LBR: variants seen among roughly 807,000 people sequenced by gnomAD.
LBR encodes the protein delta(14)-sterol reductase LBR.
In LBR, 28 loss-of-function variants were observed where a neutral mutation model predicts 74.3. The observed-to-expected ratio is 0.38, with a 90% CI of 0.28 to 0.52. The LOEUF is 0.52. LBR is among the 20% of genes least tolerant of loss of function. LBR has a pLI of 0.89. For missense variants in LBR, 717 were observed against 760.3 expected (o/e 0.94, Z 0.67); for synonymous variants, 228 against 269.3 (o/e 0.85, Z 1.50).
intron 5 of LBR, among the ~76,000 whole-genome samples, chr1:225,418,861 T>C (rs1477028506): frequency 6.6e-6 from 1 of 152,224 alleles, no homozygotes; most frequent in Non-Finnish European, 1.5e-5. Flanking sequence ...TCCCATTTTA[T>C]GCAGGCAGCT....
At chr1:225,416,991 T>A (rs531595969) in intron 6 of LBR, among the ~76,000 whole-genome samples, 7 of 152,220 alleles carry the variant, frequency 4.6e-5, no homozygotes, top group African/African-American at 1.7e-4. Context: ...TGCATAATAT[T>A]AATATATATT....
In LBR at chr1:225,406,689, C is replaced by T; in HGVS notation, c.1458G>A (p.Met486Ile). ...VSHPNEVSWP[M>I]ASLIIVLKLC... ...GTTTCAGAACAATAATTAGAGAAGC[C>T]ATTGGCCAAGACACTTCATTTGGAT... Residue 486 changes from methionine to isoleucine, a missense_variant, in exon 11 of 14, where the codon ATG becomes ATA. Physicochemically the swap from Met to Ile is conservative, Grantham distance 10. Coordinates refer to ENST00000272163, the MANE Select transcript of LBR (RefSeq NM_002296.4). The T allele has an allele frequency of 6.2e-7, 1 of 1,612,132 alleles. No individual in the cohort carries two copies. The highest frequency in any genetic ancestry group is 8.5e-7 in the Non-Finnish European group (1 of 1,179,528).
At position 225,403,326 on chromosome 1, in the gene LBR, G is replaced by T. The variant is rs776693237; in HGVS notation, c.1825C>A (p.Arg609Ser). The change falls in exon 14 of 14, where the codon CGT becomes AGT. Residue 609 changes from arginine to serine, a missense_variant. Transcript: ENST00000272163. ...CATTAGTAGATGTATGGAAATATAC[G>T]GTAGGGCACACGCTGACAGTACTTT... ...WEKYCQRVPYRIFPYIY is the reference protein window; with the variant it reads ...WEKYCQRVPYSIFPYIY The T allele has an allele frequency of 6.2e-7, 1 of 1,613,566 alleles. No homozygotes were observed. The highest frequency in any genetic ancestry group is 1.1e-5 in the South Asian group (1 of 91,064).
rs1026829048 is a variant in LBR at position 225,401,724 on chromosome 1, A to G, written c.*1579T>C. 2.0e-5 allele frequency: 3 copies of G among 152,186 alleles called. No individual in the cohort carries two copies. The highest frequency in any genetic ancestry group is 4.4e-5 in the Non-Finnish European group (3 of 68,030). The allele number at this position is 152,186 out of a possible 1,614,324, so 9.4% of individuals were successfully genotyped here. On this transcript the variant is annotated 3_prime_UTR_variant, in exon 14 of 14. Transcript: ENST00000272163. The stretch of plus-strand genomic sequence containing the variant: ...GCAATCCAGTACAGAAAACGCCACC[A>G]CTTTCTGATGCCAGGAGAAAAGCAA...
chr1:225,421,777 T>G (rs2096127836), intron 3 of LBR, among the ~76,000 whole-genome samples: 1 of 152,232 alleles, frequency 6.6e-6, no homozygotes, highest in Non-Finnish European at 1.5e-5. Flanking sequence ...TGATATGAAC[T>G]TTTATACACT....
intron 1 of LBR, among the ~76,000 whole-genome samples, chr1:225,426,614 T>C (rs1459389394): frequency 6.6e-6 from 1 of 151,872 alleles, no homozygotes; most frequent in African/African-American, 2.4e-5. Context: ...ATTACAGGGG[T>C]CTCCAGCCAT....
rs988309257 is a variant in LBR at position 225,402,264 on chromosome 1, T to G, written c.*1039A>C. The stretch of plus-strand genomic sequence containing the variant: ...ATAAGCTTAACAGTAGCAAAAACAC[T>G]GATGAACTTTTAAAAAGTCAAAAAT... On this transcript the variant is annotated 3_prime_UTR_variant, in exon 14 of 14. Coordinates refer to ENST00000272163, the MANE Select transcript of LBR (RefSeq NM_002296.4). 1 of 152,184 alleles carries G rather than the reference T, an allele frequency of 6.6e-6. No homozygotes were observed. The highest frequency in any genetic ancestry group is 1.5e-5 in the Non-Finnish European group (1 of 68,016). The allele number at this position is 152,184 out of a possible 1,614,324, so 9.4% of individuals were successfully genotyped here. A position where few individuals can be genotyped will look rare whatever the true frequency, so the allele number is the denominator to read the frequency against.
rs756276004 is a variant in LBR at position 225,424,086 on chromosome 1, T to C, written c.-11A>G. ...TTTCCTACTTGGCATTTTCTATAAT[T>C]AACCTGAATAGTTTTAAAGAAAAAA... On this transcript the variant is annotated 5_prime_UTR_variant, in exon 2 of 14. Coordinates refer to ENST00000272163, the MANE Select transcript of LBR (RefSeq NM_002296.4). 4 of 1,612,940 alleles carry C rather than the reference T, an allele frequency of 2.5e-6. No individual in the cohort carries two copies. The highest frequency in any genetic ancestry group is 3.4e-6 in the Non-Finnish European group (4 of 1,179,096).
At chr1:225,419,228 C>A (rs755128004) in intron 5 of LBR, 35 bp downstream of exon 5, 3 of 1,607,156 alleles carry the variant, frequency 1.9e-6, no homozygotes, top group Non-Finnish European at 2.6e-6. Flanking sequence ...TAGCTCACCC[C>A]ACCTGCCCTC....
rs758568680 is a variant in LBR at position 225,403,366 on chromosome 1, G to A, written c.1785C>T (p.Tyr595=). 1.1e-5 allele frequency: 18 copies of A among 1,613,504 alleles called. No individual in the cohort carries two copies. In the Admixed American group the frequency reaches 2.0e-4, roughly 18 times the overall value. The change falls in exon 14 of 14, where the codon TAC becomes TAT. Residue 595 remains tyrosine (Y), a synonymous_variant. Transcript: ENST00000272163. ...ARDEYHCKKK[Y]GVAWEKYCQR... Reference sequence around the variant, plus strand: ...GACAGTACTTTTCCCAAGCCACGCCGTATTTCTTCTTACAGTGGTACTCGT... The same window carrying A: ...GACAGTACTTTTCCCAAGCCACGCCATATTTCTTCTTACAGTGGTACTCGT...
chr1:225,403,097 T>A lies in LBR; in HGVS notation c.*206A>T, dbSNP rs1575216754. On this transcript the variant is annotated 3_prime_UTR_variant, in exon 14 of 14. Transcript: ENST00000272163. ...GCAAATTCTCACATCCTTACTTGTA[T>A]TTTTCCTATGTTAACTGTAAGTTAA... 5 of 567,204 alleles carry A rather than the reference T, an allele frequency of 8.8e-6. No homozygotes were observed. Among genetic ancestry groups the A allele is most frequent in the South Asian group, 8.7e-5 (4 of 46,190 alleles). 35.1% of individuals were successfully genotyped at this position (567,204 alleles called of 1,614,324 possible). A position where few individuals can be genotyped will look rare whatever the true frequency, so the allele number is the denominator to read the frequency against.
chr1:225,426,095 G>C (rs960413610), intron 1 of LBR, among the ~76,000 whole-genome samples: 1 of 152,152 alleles, frequency 6.6e-6, no homozygotes, highest in African/African-American at 2.4e-5. Context: ...TTTAAAAGAA[G>C]AATTAAGATT....
At chr1:225,422,019 G>C in intron 3 of LBR, 58 bp downstream of exon 3, 1 of 1,488,030 alleles carries the variant, frequency 6.7e-7, no homozygotes, top group Non-Finnish European at 9.3e-7. Context: ...CAAGTAACTT[G>C]AGTAAATATA....
At chr1:225,416,525 G>A (rs192961736) in intron 6 of LBR, among the ~76,000 whole-genome samples, 8 of 152,276 alleles carry the variant, frequency 5.3e-5, no homozygotes, top group East Asian at 1.9e-4. Flanking sequence ...CAAGAGAAAC[G>A]TAAAAGCTGT....
rs986294837 is a variant in LBR at position 225,404,441 on chromosome 1, A to T, written c.1650T>A (p.Gly550=). The T allele has an allele frequency of 5.0e-5, 80 of 1,614,090 alleles. No homozygotes were observed. Among genetic ancestry groups the T allele is most frequent in the African/African-American group, 6.7e-5 (5 of 74,940 alleles). ...ACCACGCCAAGGCCATGATGAGATC[A>T]CCCAAGTAATTGGGGTGGCGAACAA... ...WGFVRHPNYL[G]DLIMALAWSL... The change falls in exon 13 of 14, where the codon GGT becomes GGA. Residue 550 remains glycine, a synonymous_variant. Transcript: ENST00000272163.
At position 225,404,682 on chromosome 1, in the gene LBR, C is replaced by A; in HGVS notation, c.1508G>T (p.Gly503Val). The change falls in exon 12 of 14, where the codon GGT becomes GTT. Residue 503 changes from glycine to valine, a missense_variant. By Grantham distance (109) the Gly-to-Val change is moderately radical. Transcript: ENST00000272163. ...GAATGCATTTTTCTGAGAATTTGCA[C>A]CTCGGAAGATTACATAACCACAAAC... is the stretch of plus-strand genomic sequence containing the variant. ...LKLCGYVIFR[G>V]ANSQKNAFRK... 1.2e-6 allele frequency: 2 copies of A among 1,611,024 alleles called. No homozygotes were observed. The highest frequency in any genetic ancestry group is 1.3e-5 in the African/African-American group (1 of 74,926).
chr1:225,412,501 A>G lies in LBR; in HGVS notation c.1037T>C (p.Met346Thr), dbSNP rs916315587. Residue 346 changes from methionine to threonine, a missense_variant, in exon 8 of 14, where the codon ATG becomes ACG. Transcript: ENST00000272163. ...FCVVLSVYLYMRSLKAPRNDL... is the reference protein window; with the variant it reads ...FCVVLSVYLYTRSLKAPRNDL... Reference sequence around the variant, plus strand: ...ATTCCGGGGCGCTTTCAAAGAGCGCATGTAGAGATACACACTCAAGACCAC... The same window carrying G: ...ATTCCGGGGCGCTTTCAAAGAGCGCGTGTAGAGATACACACTCAAGACCAC... 1 of 1,614,122 alleles carries G rather than the reference A, an allele frequency of 6.2e-7. No individual in the cohort carries two copies. The highest frequency in any genetic ancestry group is 1.3e-5 in the African/African-American group (1 of 74,926).
intron 2 of LBR, among the ~76,000 whole-genome samples, chr1:225,423,529 T>C (rs867186846): frequency 2.4e-4 from 37 of 151,766 alleles, no homozygotes; most frequent in African/African-American, 7.5e-4. Context: ...AACAGCCCCA[T>C]CAACTGCTGT....
At chr1:225,414,354 G>C in intron 7 of LBR, 1 of 338,196 alleles carries the variant, frequency 3.0e-6, no homozygotes, top group South Asian at 2.3e-5. Flanking sequence ...ATGAAGAATT[G>C]AAAGGATAAA....
Sources: gnomAD v4.1 joint callset for allele counts (sites outside exome capture counted in the v4.1 genomes callset) on GRCh38, gnomAD v4.1.1 for gene constraint, MANE v1.5 for transcripts, NCBI Gene and HGNC (gene_info 2026-07-23, HGNC 2026-07-21) for gene names.